NFIB: variants seen among roughly 807,000 people sequenced by gnomAD.
NFIB encodes nuclear factor 1 B-type.
Under a neutral mutation model 61.5 loss-of-function variants are expected in NFIB, and 11 were observed. The observed-to-expected ratio is 0.18, with a 90% CI of 0.11 to 0.30. The LOEUF is 0.30. Among genes scored for constraint, NFIB ranks in the 10% least tolerant of loss-of-function variants. The pLI, the probability that NFIB is intolerant of heterozygous loss-of-function variation, is 1.00. For missense variants in NFIB, 471 were observed against 608.9 expected, an observed-to-expected ratio of 0.77 and a Z score of 2.38; for synonymous variants, 260 against 216.5, an observed-to-expected ratio of 1.20 and a Z score of -1.76.
intron 1 of NFIB, among the ~76,000 whole-genome samples, chr9:14,350,867 AAT>A (rs1476853234): frequency 3.3e-5 from 5 of 152,074 alleles, no homozygotes; most frequent in South Asian, 2.1e-4. Flanking sequence ...CCTGCCTGCA[AAT>A]ATTGGCACAA....
At chr9:14,367,976 T>C (rs2061320746) in intron 1 of NFIB, among the ~76,000 whole-genome samples, 1 of 152,100 alleles carries the variant, frequency 6.6e-6, no homozygotes, top group South Asian at 2.1e-4. Context: ...CGTGTATACC[T>C]ATGTAACAAA....
chr9:14,327,562 C>A (rs1029141840), intron 1 of NFIB, among the ~76,000 whole-genome samples: 1 of 152,122 alleles, frequency 6.6e-6, no homozygotes, highest in Admixed American at 6.5e-5. Flanking sequence ...TCTCTGCATT[C>A]GTGATATGAA....
At chr9:14,328,946 T>A (rs1347285781) in intron 1 of NFIB, among the ~76,000 whole-genome samples, 2 of 152,232 alleles carry the variant, frequency 1.3e-5, no homozygotes, top group Non-Finnish European at 2.9e-5. Context: ...TTTGCTTTTT[T>A]TGAAAAAGTG....
intron 1 of NFIB, among the ~76,000 whole-genome samples, chr9:14,360,241 A>C (rs1295858404): frequency 6.6e-6 from 1 of 152,248 alleles, no homozygotes; most frequent in East Asian, 1.9e-4. Context: ...CATTCGATTC[A>C]GGACAGATAT....
the NFIB span, among the ~76,000 whole-genome samples, chr9:14,503,711 T>C: frequency 6.6e-6 from 1 of 152,348 alleles, no homozygotes; most frequent in Non-Finnish European, 1.5e-5. Context: ...TCTTTGTAGA[T>C]TCTGGATATT....
the NFIB span, among the ~76,000 whole-genome samples, chr9:14,435,273 T>C: frequency 6.6e-6 from 1 of 152,188 alleles, no homozygotes; most frequent in Non-Finnish European, 1.5e-5. Flanking sequence ...CATAATTGTT[T>C]CCTAAAATAT....
At chr9:14,176,216 G>C (rs753042690) in intron 3 of NFIB, among the ~76,000 whole-genome samples, 4 of 149,126 alleles carry the variant, frequency 2.7e-5, no homozygotes, top group African/African-American at 5.0e-5. Context: ...AACCAAGAGA[G>C]GACATTTTTA....
At chr9:14,308,770 G>T (rs2060146418) in intron 1 of NFIB, among the ~76,000 whole-genome samples, 1 of 152,146 alleles carries the variant, frequency 6.6e-6, no homozygotes, top group East Asian at 1.9e-4. Context: ...TTACCTTTAG[G>T]CTCCTGCATT....
chr9:14,307,506 T>C lies in NFIB; in HGVS notation c.45A>G (p.Pro15=). The change falls in exon 2 of 11, where the codon CCA becomes CCG. Residue 15 remains proline, a synonymous_variant. Transcript: ENST00000380953. This position sits in a 1 kb window ranked among gnomAD's most constrained non-coding sequence, Gnocchi z 5.3. ...PICLTQDEFH[P]FIEALLPHVR... is the part of the protein sequence containing the mutation. ...CATGTGGAAGAAGTGCCTCGATGAA[T>C]GGGTGAAATTCATCCTGTGGAAGAC... 6.2e-7 allele frequency: 1 copy of C among 1,603,710 alleles called. No individual in the cohort carries two copies. Among genetic ancestry groups the C allele is most frequent in the South Asian group, 1.1e-5 (1 of 90,076 alleles).
At chr9:14,107,372 G>A (rs1372873260) in intron 10 of NFIB, among the ~76,000 whole-genome samples, 1 of 151,044 alleles carries the variant, frequency 6.6e-6, no homozygotes, top group Non-Finnish European at 1.5e-5. Flanking sequence ...TATCTTAAAA[G>A]TCACTTCTAG....
the NFIB span, among the ~76,000 whole-genome samples, chr9:14,526,940 C>T: frequency 1.3e-5 from 2 of 152,186 alleles, no homozygotes. Context: ...TAATAACCAT[C>T]TAATCACTGT....
At chr9:14,256,777 C>A (rs1450977697) in intron 2 of NFIB, among the ~76,000 whole-genome samples, 2 of 152,150 alleles carry the variant, frequency 1.3e-5, no homozygotes, top group Non-Finnish European at 2.9e-5. Flanking sequence ...TCTGCTCCAA[C>A]AATGCACCAG....
At chr9:14,175,021 C>T (rs1017157504) in intron 3 of NFIB, among the ~76,000 whole-genome samples, 1 of 151,962 alleles carries the variant, frequency 6.6e-6, no homozygotes, top group African/African-American at 2.4e-5. Context: ...ACAATGAATA[C>T]TGAAGATTTT....
At chr9:14,144,587 T>C (rs993550074) in intron 6 of NFIB, among the ~76,000 whole-genome samples, 4 of 152,170 alleles carry the variant, frequency 2.6e-5, no homozygotes, top group African/African-American at 7.2e-5. Context: ...ACCAAGTGTG[T>C]GTTAAGTGCT....
At chr9:14,397,141 CT>C (rs1156928587) in intron 1 of NFIB, among the ~76,000 whole-genome samples, 2 of 152,114 alleles carry the variant, frequency 1.3e-5, no homozygotes, top group African/African-American at 4.8e-5. Context: ...AAAAAGCCCA[CT>C]GATATTAGAT....
chr9:14,190,483 A>G (rs1483154957), intron 2 of NFIB, among the ~76,000 whole-genome samples: 1 of 152,236 alleles, frequency 6.6e-6, no homozygotes, highest in African/African-American at 2.4e-5. Context: ...GGCAGATAAT[A>G]GTATTAAATG....
At chr9:14,132,424 T>C (rs1218707745) in intron 6 of NFIB, among the ~76,000 whole-genome samples, 1 of 152,232 alleles carries the variant, frequency 6.6e-6, no homozygotes, top group Non-Finnish European at 1.5e-5. Context: ...GTTTGTTTTA[T>C]TGCTAAGTGC....
At chr9:14,406,597 A>G in the NFIB span, among the ~76,000 whole-genome samples, 309 of 152,318 alleles carry the variant, frequency 2.0e-3, 4 homozygotes, top group African/African-American at 6.9e-3. Context: ...AGGCTGGGGC[A>G]GAGACAAGCT....
At chr9:14,251,784 C>A (rs537471104) in intron 2 of NFIB, among the ~76,000 whole-genome samples, 15 of 152,344 alleles carry the variant, frequency 9.8e-5, no homozygotes, top group East Asian at 5.8e-4. Context: ...AGGAATTACA[C>A]AGGCGTGCTG....
Sources: gnomAD v4.1 joint callset for allele counts (sites outside exome capture counted in the v4.1 genomes callset) on GRCh38, gnomAD v4.1.1 for gene constraint, Gnocchi (gnomAD v3.1) non-coding constraint, MANE v1.5 for transcripts, NCBI Gene and HGNC (gene_info 2026-07-23, HGNC 2026-07-21) for gene names.